LINGO2: variants seen among roughly 807,000 people sequenced by gnomAD.
LINGO2 encodes the protein leucine-rich repeat and immunoglobulin-like domain-containing nogo receptor-interacting protein 2.
Under a neutral mutation model 30.6 loss-of-function variants are expected in LINGO2, and 14 were observed. The observed-to-expected ratio is 0.46, with a 90% confidence interval of 0.30 to 0.72. The LOEUF (loss-of-function observed/expected upper bound fraction) is 0.72, where lower values mean the gene tolerates loss of function less well. Among genes scored for constraint, LINGO2 ranks in the 30% least tolerant of loss-of-function variants. LINGO2 has a pLI of 0.07. For synonymous variants in LINGO2, 317 were observed against 288.5 expected (o/e 1.10, Z -1.00); for missense variants, 729 against 751.7 (o/e 0.97, Z 0.35).
At chr9:28,200,388 G>A (rs890120997) in intron 4 of LINGO2, among the ~76,000 whole-genome samples, 1 of 151,998 alleles carries the variant, frequency 6.6e-6, no homozygotes. Context: ...ATAAGACCAC[G>A]TTAAGATCAC....
At chr9:28,331,712 C>T (rs1220427067) in intron 3 of LINGO2, among the ~76,000 whole-genome samples, 1 of 152,082 alleles carries the variant, frequency 6.6e-6, no homozygotes, top group Non-Finnish European at 1.5e-5. Context: ...CACCATGTTG[C>T]CCAGCCTGGC....
intron 4 of LINGO2, among the ~76,000 whole-genome samples, chr9:28,294,956 A>T (rs566304480): frequency 1.3e-5 from 2 of 152,294 alleles, no homozygotes; most frequent in East Asian, 1.9e-4. Context: ...TCTTTATAGT[A>T]TTGGCCTCTA....
chr9:28,604,419 G>A (rs1329827222), intron 1 of LINGO2, among the ~76,000 whole-genome samples: 5 of 152,034 alleles, frequency 3.3e-5, no homozygotes, highest in African/African-American at 9.7e-5. Flanking sequence ...TTAGAAAGAC[G>A]AGTCTACTGA....
Position 28,272,428 on chromosome 9 carries a change from C to T in LINGO2, c.-87+22780G>A, listed in dbSNP as rs543983636. Reference sequence around the variant, plus strand: ...TCCTGCTTCAGAGCATTTGCAGCTGCTAAATCTCCCATATCGTCACATGGC... The same window carrying T: ...TCCTGCTTCAGAGCATTTGCAGCTGTTAAATCTCCCATATCGTCACATGGC... On this transcript the variant is annotated intron_variant, in intron 4 of 5. Transcript: ENST00000379992. Among the ~76,000 whole-genome samples the T allele has an allele frequency of 5.3e-5, 8 of 151,930 alleles. No individual in the cohort carries two copies. In the East Asian group the frequency reaches 1.4e-3, roughly 26 times the overall value.
chr9:29,207,013 A>T, the LINGO2 span, among the ~76,000 whole-genome samples: 2 of 151,830 alleles, frequency 1.3e-5, no homozygotes, highest in Non-Finnish European at 2.9e-5. Flanking sequence ...TCATCAGGCT[A>T]TATGTGTGTG....
intron 4 of LINGO2, among the ~76,000 whole-genome samples, chr9:28,022,287 C>G (rs1027109306): frequency 2.0e-5 from 3 of 152,054 alleles, no homozygotes; most frequent in Admixed American, 6.5e-5. Context: ...ATTCATTTCA[C>G]TCGTCCTATC....
intron 5 of LINGO2, among the ~76,000 whole-genome samples, chr9:27,969,593 G>C (rs1333243884): frequency 6.6e-6 from 1 of 152,088 alleles, no homozygotes; most frequent in Non-Finnish European, 1.5e-5. Flanking sequence ...GATAAGAAAA[G>C]TGAGTCTCTG....
At chr9:28,057,248 A>G (rs1440047973) in intron 4 of LINGO2, among the ~76,000 whole-genome samples, 2 of 151,722 alleles carry the variant, frequency 1.3e-5, no homozygotes, top group African/African-American at 4.8e-5. Context: ...CATTTAACGC[A>G]TTTGGCAACC....
intron 5 of LINGO2, among the ~76,000 whole-genome samples, chr9:28,006,342 C>T (rs924367999): frequency 5.6e-5 from 8 of 143,860 alleles, no homozygotes; most frequent in Non-Finnish European, 4.6e-5. Flanking sequence ...TTAAAAAAAT[C>T]CTTACCAGAG....
At chr9:28,741,116 T>A in the LINGO2 span, among the ~76,000 whole-genome samples, 13 of 151,706 alleles carry the variant, frequency 8.6e-5, no homozygotes, top group African/African-American at 2.9e-4. Context: ...TCTCCTGGGG[T>A]AAACATAGTA....
At chr9:28,578,447 T>C (rs1178819319) in intron 1 of LINGO2, among the ~76,000 whole-genome samples, 1 of 152,158 alleles carries the variant, frequency 6.6e-6, no homozygotes, top group Admixed American at 6.6e-5. Flanking sequence ...AATAGCTTCA[T>C]AAAGATTAAC....
chr9:29,049,202 G>A, the LINGO2 span, among the ~76,000 whole-genome samples: 1 of 152,108 alleles, frequency 6.6e-6, no homozygotes, highest in African/African-American at 2.4e-5. Context: ...ATGACAAACA[G>A]GCAGATGAAA....
chr9:28,708,557 C>A, the LINGO2 span, among the ~76,000 whole-genome samples: 1 of 152,000 alleles, frequency 6.6e-6, no homozygotes, highest in Admixed American at 6.6e-5. Context: ...CTTGGTTAAC[C>A]CTCTTCCAGT....
the LINGO2 span, among the ~76,000 whole-genome samples, chr9:28,771,455 GTGT>G: frequency 3.0e-3 from 203 of 67,686 alleles, 4 homozygotes; most frequent in African/African-American, 0.012. Flanking sequence ...CCTATTTGGT[GTGT>G]GTGTGTGTGT....
the LINGO2 span, among the ~76,000 whole-genome samples, chr9:29,202,204 A>G: frequency 1.3e-5 from 2 of 151,822 alleles, no homozygotes; most frequent in African/African-American, 4.8e-5. Flanking sequence ...TAAATAATAC[A>G]TATAAAAACA....
At chr9:27,943,037 C>A in the LINGO2 span, 1 of 152,110 alleles carries the variant, frequency 6.6e-6, no homozygotes, top group Non-Finnish European at 1.5e-5. Context: ...GTATATACAT[C>A]ATTTTGCTGC....
chr9:28,080,301 G>A (rs1177341701), intron 4 of LINGO2, among the ~76,000 whole-genome samples: 6 of 152,004 alleles, frequency 3.9e-5, no homozygotes, highest in Non-Finnish European at 8.8e-5. Context: ...TACCTGATCG[G>A]GTCTGGTGGA....
chr9:28,477,659 C>A (rs974393636), intron 1 of LINGO2, among the ~76,000 whole-genome samples: 2 of 152,076 alleles, frequency 1.3e-5, no homozygotes, highest in African/African-American at 4.8e-5. Flanking sequence ...TTCAATACTC[C>A]AATTGAAGCT....
chr9:28,026,546 G>A (rs768180968), intron 4 of LINGO2, among the ~76,000 whole-genome samples: 1 of 152,142 alleles, frequency 6.6e-6, no homozygotes, highest in Non-Finnish European at 1.5e-5. Context: ...TTTCATTACT[G>A]CACTACTGCA....
Sources: allele counts gnomAD v4.1 joint callset (sites outside exome capture counted in the v4.1 genomes callset), GRCh38; gene constraint gnomAD v4.1.1; transcripts MANE v1.5; gene names NCBI Gene and HGNC (gene_info 2026-07-23, HGNC 2026-07-21).